The following UBE2E2 variants were observed in gnomAD, a reference collection of about 807,000 sequenced individuals.
The protein encoded by UBE2E2 is ubiquitin conjugating enzyme E2 E2.
UBE2E2 carries 6 observed loss-of-function variants against 24.7 expected under a neutral mutation model. The ratio of observed to expected loss-of-function variants is 0.24; its 90% confidence interval spans 0.13 to 0.48. The LOEUF is 0.48. UBE2E2 is among the 20% of genes least tolerant of loss of function. The pLI is 0.99. For synonymous variants in UBE2E2, 104 were observed against 83.6 expected, an observed-to-expected ratio of 1.24 and a Z score of -1.33; for missense variants, 169 against 245.0, an observed-to-expected ratio of 0.69 and a Z score of 2.07.
intron 3 of UBE2E2, among the ~76,000 whole-genome samples, chr3:23,375,923 C>G (rs1696510483): frequency 6.6e-6 from 1 of 152,118 alleles, no homozygotes. Flanking sequence ...CCAAAGTGCT[C>G]TAAAAATTTC....
intron 3 of UBE2E2, among the ~76,000 whole-genome samples, chr3:23,220,450 A>G (rs1696600459): frequency 6.6e-6 from 1 of 152,220 alleles, no homozygotes; most frequent in Non-Finnish European, 1.5e-5. Flanking sequence ...ATTTCTGCTC[A>G]TAAAATCGTA....
At chr3:23,252,707 G>C (rs963632254) in intron 3 of UBE2E2, among the ~76,000 whole-genome samples, 20 of 152,172 alleles carry the variant, frequency 1.3e-4, no homozygotes, top group Non-Finnish European at 1.3e-4. Context: ...ATGTTGCTCA[G>C]TCTGGTCTTG....
At chr3:23,316,950 T>G (rs781112595) in intron 3 of UBE2E2, among the ~76,000 whole-genome samples, 1 of 152,120 alleles carries the variant, frequency 6.6e-6, no homozygotes, top group African/African-American at 2.4e-5. Flanking sequence ...TGGTGCCCTA[T>G]CCTCCTGTGA....
intron 5 of UBE2E2, among the ~76,000 whole-genome samples, chr3:23,570,171 C>T (rs1312198362): frequency 6.6e-6 from 1 of 152,168 alleles, no homozygotes; most frequent in Non-Finnish European, 1.5e-5. Flanking sequence ...CCTAATCAAG[C>T]CGTAACTCCT....
chr3:23,400,641 C>CACACAT (rs954347007), intron 3 of UBE2E2, among the ~76,000 whole-genome samples: 1 of 149,914 alleles, frequency 6.7e-6, no homozygotes, highest in African/African-American at 2.5e-5. Context: ...CACACACACA[C>CACACAT]ATCTCAGGCC....
At chr3:23,533,811 C>CG (rs1214415129) in intron 5 of UBE2E2, among the ~76,000 whole-genome samples, 2 of 151,714 alleles carry the variant, frequency 1.3e-5, no homozygotes, top group Non-Finnish European at 2.9e-5. Flanking sequence ...TTAGTAGAGA[C>CG]GGGGTTTCAC....
At chr3:23,378,236 T>TAAAAAAAAAAAAA (rs56808350) in intron 3 of UBE2E2, among the ~76,000 whole-genome samples, 1 of 118,064 alleles carries the variant, frequency 8.5e-6, no homozygotes, top group Non-Finnish European at 1.7e-5. Flanking sequence ...AAATAAGCAG[T>TAAAAAAAAAAAAA]AAAAAAAAAA....
At chr3:23,510,849 A>G (rs763862084) in intron 4 of UBE2E2, among the ~76,000 whole-genome samples, 20 of 152,290 alleles carry the variant, frequency 1.3e-4, no homozygotes, top group Middle Eastern at 3.4e-3. Flanking sequence ...CCCTTGATAT[A>G]TAAAGATGAG....
chr3:23,294,049 TA>T (rs1460586236), intron 3 of UBE2E2, among the ~76,000 whole-genome samples: 2 of 152,188 alleles, frequency 1.3e-5, no homozygotes, highest in Non-Finnish European at 2.9e-5. Flanking sequence ...CTCCTAACTA[TA>T]AAAAAGAAAC....
At chr3:23,385,065 G>C (rs1176471940) in intron 3 of UBE2E2, among the ~76,000 whole-genome samples, 1 of 152,028 alleles carries the variant, frequency 6.6e-6, no homozygotes, top group Non-Finnish European at 1.5e-5. Flanking sequence ...CAAGTAGCTG[G>C]GACCACGGGC....
chr3:23,408,750 G>A (rs1332430146), intron 3 of UBE2E2, among the ~76,000 whole-genome samples: 1 of 152,138 alleles, frequency 6.6e-6, no homozygotes, highest in African/African-American at 2.4e-5. Context: ...AACTAGCAGA[G>A]TTTTTCCAGT....
chr3:23,256,659 G>A (rs1697729747), intron 3 of UBE2E2, among the ~76,000 whole-genome samples: 1 of 152,104 alleles, frequency 6.6e-6, no homozygotes, highest in Non-Finnish European at 1.5e-5. Flanking sequence ...TAATTCTTAA[G>A]ACTAAGGTCA....
At chr3:23,581,636 T>A (rs951313963) in intron 5 of UBE2E2, among the ~76,000 whole-genome samples, 1 of 152,228 alleles carries the variant, frequency 6.6e-6, no homozygotes, top group Non-Finnish European at 1.5e-5. Context: ...GTGGTGGAAC[T>A]AAGTTAAAAA....
intron 3 of UBE2E2, among the ~76,000 whole-genome samples, chr3:23,290,344 T>C (rs1048906392): frequency 1.3e-5 from 2 of 152,226 alleles, no homozygotes; most frequent in African/African-American, 4.8e-5. Flanking sequence ...GATCACTGTT[T>C]CTGAGACTGT....
chr3:23,397,235 T>C (rs772806325), intron 3 of UBE2E2, among the ~76,000 whole-genome samples: 1 of 152,154 alleles, frequency 6.6e-6, no homozygotes, highest in African/African-American at 2.4e-5. Flanking sequence ...TACAGAGGAA[T>C]TGGAAGACCT....
chr3:23,227,966 A>G (rs990163048), intron 3 of UBE2E2, among the ~76,000 whole-genome samples: 5 of 152,200 alleles, frequency 3.3e-5, no homozygotes, highest in Non-Finnish European at 5.9e-5. Flanking sequence ...CACCTGAGGT[A>G]CAACCAATAT....
At chr3:23,287,788 T>TA (rs397753287) in intron 3 of UBE2E2, among the ~76,000 whole-genome samples, 1 of 151,388 alleles carries the variant, frequency 6.6e-6, no homozygotes, top group East Asian at 1.9e-4. Flanking sequence ...TTTTTTTTTT[T>TA]ACATCTCTGA....
intron 3 of UBE2E2, among the ~76,000 whole-genome samples, chr3:23,359,583 A>T (rs1696057801): frequency 6.6e-6 from 1 of 152,078 alleles, no homozygotes. Flanking sequence ...TTGATCTATT[A>T]AAAAAAATTT....
intron 3 of UBE2E2, among the ~76,000 whole-genome samples, chr3:23,408,682 C>G (rs183722909): frequency 1.4e-3 from 213 of 152,312 alleles, no homozygotes; most frequent in African/African-American, 4.8e-3. Context: ...CTGCTGCTCC[C>G]TGGAGCAGCT....
Sources: allele counts gnomAD v4.1 joint callset (sites outside exome capture counted in the v4.1 genomes callset), GRCh38; gene constraint gnomAD v4.1.1; transcripts MANE v1.5; gene names NCBI Gene and HGNC (gene_info 2026-07-23, HGNC 2026-07-21).